CCDC7: variants seen among roughly 807,000 people sequenced by gnomAD.
CCDC7 encodes coiled-coil domain containing 7, also known as coiled-coil domain-containing protein 7.
Under a neutral mutation model 196.9 loss-of-function variants are expected in CCDC7, and 183 were observed. That is an observed-to-expected ratio of 0.93 (90% CI 0.82 to 1.05). CCDC7 has a LOEUF of 1.05. Ranked by LOEUF, CCDC7 falls within the 50% of genes least tolerant of loss-of-function variation. The pLI is 0.00. For synonymous variants in CCDC7, 525 were observed against 484.6 expected (o/e 1.08, Z -1.10); for missense variants, 1,540 against 1,482.2 (o/e 1.04, Z -0.64).
At chr10:32,597,949 G>T (rs889304301) in intron 18 of CCDC7, among the ~76,000 whole-genome samples, 5 of 152,210 alleles carry the variant, frequency 3.3e-5, no homozygotes, top group African/African-American at 1.2e-4. Flanking sequence ...CTACTCAGGG[G>T]TCAGGGACCC....
At chr10:32,469,649 G>T (rs1034761975) in intron 5 of CCDC7, among the ~76,000 whole-genome samples, 3 of 152,176 alleles carry the variant, frequency 2.0e-5, no homozygotes, top group African/African-American at 7.2e-5. Context: ...GGTGGATTTT[G>T]CTACGAAGTT....
At chr10:32,845,506 C>A in intron 34 of CCDC7, 37 bp from the exon 36 acceptor site, 1 of 1,514,164 alleles carries the variant, frequency 6.6e-7, no homozygotes, top group Non-Finnish European at 9.1e-7. Flanking sequence ...TAATGATAAT[C>A]TTACAAAATA....
chr10:32,544,223 A>C, intron 12 of CCDC7, 24 bp from the exon 14 acceptor site: 1 of 1,585,766 alleles, frequency 6.3e-7, no homozygotes, highest in African/African-American at 1.3e-5. Flanking sequence ...ATCATGATGC[A>C]TTTTAAAACA....
In CCDC7 at chr10:32,553,123, CT is replaced by C. The variant is rs927646975; in HGVS notation, c.1134+8831del. 2.9e-4 allele frequency among the ~76,000 whole-genome samples: 34 copies of C among 117,414 alleles called. No homozygotes were observed. The East Asian group carries it at 6.4e-3, about 22-fold the overall frequency. The allele number at this position is 117,414 out of a possible 152,430, so 77.0% of individuals were successfully genotyped here. ...GGAGTCTTTTTTTTTTTTTTTAATT[CT>C]TTTTTTTTATCTTTGTTGAATTGGG... On this transcript the variant is annotated intron_variant, in intron 13 of 41. Transcript: ENST00000639629.
chr10:32,691,787 G>A (rs1200926756), intron 23 of CCDC7, among the ~76,000 whole-genome samples: 1 of 152,096 alleles, frequency 6.6e-6, no homozygotes, highest in African/African-American at 2.4e-5. Flanking sequence ...TGCCTCAAGG[G>A]GCCATTGTAG....
At chr10:32,680,212 A>G (rs947803896) in intron 21 of CCDC7, among the ~76,000 whole-genome samples, 5 of 152,176 alleles carry the variant, frequency 3.3e-5, no homozygotes, top group African/African-American at 1.2e-4. Flanking sequence ...AGTATAGGAC[A>G]TTGGGCAGGT....
chr10:32,504,212 G>C (rs909479177), intron 9 of CCDC7, among the ~76,000 whole-genome samples: 1 of 142,206 alleles, frequency 7.0e-6, no homozygotes, highest in Non-Finnish European at 1.5e-5. Flanking sequence ...CTGCCTCCCA[G>C]GTCATGCCAT....
At chr10:32,777,730 G>A (rs2134235659) in intron 28 of CCDC7, among the ~76,000 whole-genome samples, 1 of 152,190 alleles carries the variant, frequency 6.6e-6, no homozygotes, top group East Asian at 1.9e-4. Context: ...CAGGTATGGT[G>A]GCATGCGCCT....
At chr10:32,691,595 A>C (rs888290093) in intron 23 of CCDC7, among the ~76,000 whole-genome samples, 1 of 152,224 alleles carries the variant, frequency 6.6e-6, no homozygotes, top group African/African-American at 2.4e-5. Flanking sequence ...CTATGAAATG[A>C]AACTAGACAT....
intron 29 of CCDC7, among the ~76,000 whole-genome samples, chr10:32,802,329 G>A (rs2084959976): frequency 6.6e-6 from 1 of 152,084 alleles, no homozygotes; most frequent in Admixed American, 6.5e-5. Flanking sequence ...CAGTGAATCA[G>A]GAGTATCAAA....
chr10:32,633,373 G>A (rs1389909015), intron 18 of CCDC7, among the ~76,000 whole-genome samples: 1 of 152,030 alleles, frequency 6.6e-6, no homozygotes, highest in South Asian at 2.1e-4. Context: ...CCTTCATTTT[G>A]TATGTATTTG....
intron 20 of CCDC7, among the ~76,000 whole-genome samples, chr10:32,637,411 G>A (rs1035130270): frequency 3.9e-5 from 6 of 152,138 alleles, no homozygotes; most frequent in African/African-American, 7.2e-5. Context: ...TTTGTATAAG[G>A]TGTAAAGAAG....
At chr10:32,583,336 G>T in intron 17 of CCDC7, 29 bp downstream of exon 18, 1 of 1,192,326 alleles carries the variant, frequency 8.4e-7, no homozygotes, top group Non-Finnish European at 1.1e-6. Context: ...CTTGAAAGCT[G>T]TTTATTTCAT....
intron 24 of CCDC7, among the ~76,000 whole-genome samples, chr10:32,696,183 A>T (rs1036270789): frequency 1.3e-5 from 2 of 152,088 alleles, no homozygotes; most frequent in Admixed American, 6.5e-5. Flanking sequence ...CATAACAATA[A>T]CCCATTCAGT....
At chr10:32,774,843 A>ATG (rs1185932657) in intron 28 of CCDC7, among the ~76,000 whole-genome samples, 1 of 152,154 alleles carries the variant, frequency 6.6e-6, no homozygotes, top group Admixed American at 6.5e-5. Flanking sequence ...TGGAATGTAT[A>ATG]TGTGTGGTAG....
chr10:32,451,999 A>T, intron 1 of CCDC7, 78 bp downstream of exon 2: 1 of 1,481,646 alleles, frequency 6.7e-7, no homozygotes, highest in Admixed American at 2.5e-5. Flanking sequence ...GAGGACTCAC[A>T]TGACTCCACA....
chr10:32,666,120 CT>C (rs35052301), intron 21 of CCDC7, among the ~76,000 whole-genome samples: 22,996 of 130,636 alleles, frequency 0.18, 2,082 homozygotes, highest in East Asian at 0.33. Flanking sequence ...TATTCTTTTT[CT>C]TTTTTTTTTT....
At chr10:32,696,999 G>A (rs1209626702) in intron 24 of CCDC7, among the ~76,000 whole-genome samples, 3 of 152,100 alleles carry the variant, frequency 2.0e-5, no homozygotes, top group Non-Finnish European at 4.4e-5. Flanking sequence ...GGATGGTTTT[G>A]GGATGATTCA....
intron 20 of CCDC7, among the ~76,000 whole-genome samples, chr10:32,658,898 C>T (rs2070603267): frequency 6.6e-6 from 1 of 152,028 alleles, no homozygotes; most frequent in Admixed American, 6.6e-5. Context: ...AATGTCTCAT[C>T]TCTCATTTAT....
Sources: allele counts gnomAD v4.1 joint callset (sites outside exome capture counted in the v4.1 genomes callset), GRCh38; gene constraint gnomAD v4.1.1; transcripts MANE v1.5; gene names NCBI Gene and HGNC (gene_info 2026-07-23, HGNC 2026-07-21).